The following THSD7B variants were observed in gnomAD, a reference collection of about 807,000 sequenced individuals.
The protein encoded by THSD7B is thrombospondin type-1 domain-containing protein 7B.
Under a neutral mutation model 213.6 loss-of-function variants are expected in THSD7B, and 138 were observed. That is an observed-to-expected ratio of 0.65 (90% CI 0.56 to 0.74). THSD7B has a LOEUF of 0.74. Among genes scored for constraint, THSD7B ranks in the 30% least tolerant of loss-of-function variants. The probability of loss-of-function intolerance (pLI) is 0.00; values close to 1 mark genes in which losing one functional copy is unlikely to be tolerated. For missense variants in THSD7B, 1,931 were observed against 1,991.5 expected, an observed-to-expected ratio of 0.97 and a Z score of 0.58; for synonymous variants, 742 against 687.0, an observed-to-expected ratio of 1.08 and a Z score of -1.25.
At chr2:136,878,986 T>G (rs1296624181) in intron 1 of THSD7B, among the ~76,000 whole-genome samples, 2 of 152,208 alleles carry the variant, frequency 1.3e-5, no homozygotes, top group Non-Finnish European at 2.9e-5. Flanking sequence ...CATGAAGTCC[T>G]TGCCCATGCC....
chr2:137,654,734 A>G (rs1046103761), intron 21 of THSD7B, among the ~76,000 whole-genome samples: 5 of 152,130 alleles, frequency 3.3e-5, no homozygotes, highest in African/African-American at 1.2e-4. Context: ...TAGTCTCAGC[A>G]TTGAATATTT....
intron 2 of THSD7B, among the ~76,000 whole-genome samples, chr2:136,959,467 C>A (rs1308469880): frequency 6.6e-6 from 1 of 152,182 alleles, no homozygotes; most frequent in Non-Finnish European, 1.5e-5. Flanking sequence ...ACTTTTGCCC[C>A]TAAAAACAGG....
At position 137,088,273 on chromosome 2, in the gene THSD7B, A is replaced by T. The variant is rs546972645; in HGVS notation, c.951-6600A>T. 5.7e-4 allele frequency among the ~76,000 whole-genome samples: 87 copies of T among 152,084 alleles called. 1 individual carries two copies. Among genetic ancestry groups the T allele is most frequent in the Non-Finnish European group, 9.3e-4 (63 of 67,962 alleles). On this transcript the variant is annotated intron_variant, in intron 3 of 27. Transcript: ENST00000409968. ...AAAAAAAAAATAAAATTAAATTTAA[A>T]AAAAGGTGCATAGACCAATGGAACA...
chr2:137,388,345 A>G (rs953338413), intron 12 of THSD7B, among the ~76,000 whole-genome samples: 7 of 134,860 alleles, frequency 5.2e-5, no homozygotes, highest in African/African-American at 2.2e-4. Context: ...AAGTAACAGT[A>G]AAAAAAAAAA....
intron 15 of THSD7B, among the ~76,000 whole-genome samples, chr2:137,517,687 T>G (rs1680096456): frequency 6.6e-6 from 1 of 152,192 alleles, no homozygotes; most frequent in Non-Finnish European, 1.5e-5. Flanking sequence ...CTGTGCAAGC[T>G]TCTCTGCCAC....
intron 15 of THSD7B, among the ~76,000 whole-genome samples, chr2:137,508,286 GC>G (rs1246382730): frequency 1.3e-5 from 2 of 151,950 alleles, no homozygotes; most frequent in African/African-American, 4.8e-5. Flanking sequence ...TGTTGCCCAG[GC>G]TGGAGTGCAG....
chr2:137,545,666 C>T (rs926017702), intron 15 of THSD7B, among the ~76,000 whole-genome samples: 1 of 151,880 alleles, frequency 6.6e-6, no homozygotes, highest in Non-Finnish European at 1.5e-5. Flanking sequence ...TTTTAACAGA[C>T]TCCTCCAATA....
chr2:137,147,425 C>T (rs1679724398), intron 5 of THSD7B, among the ~76,000 whole-genome samples: 1 of 151,010 alleles, frequency 6.6e-6, no homozygotes, highest in Non-Finnish European at 1.5e-5. Context: ...CATACGCTAA[C>T]AAGGACGTCA....
chr2:136,979,740 C>T (rs1378336308), intron 2 of THSD7B, among the ~76,000 whole-genome samples: 1 of 152,184 alleles, frequency 6.6e-6, no homozygotes, highest in African/African-American at 2.4e-5. Context: ...TTATTTAGCT[C>T]AGTGAAGTTC....
intron 2 of THSD7B, among the ~76,000 whole-genome samples, chr2:136,977,132 T>C (rs969080402): frequency 2.6e-5 from 4 of 152,212 alleles, no homozygotes; most frequent in Admixed American, 2.0e-4. Context: ...TATTACTGCC[T>C]CAATTTCAGA....
chr2:137,123,937 C>A (rs1312818046), intron 5 of THSD7B, among the ~76,000 whole-genome samples: 2 of 152,070 alleles, frequency 1.3e-5, no homozygotes, highest in African/African-American at 4.8e-5. Context: ...CATTGCCTGG[C>A]AAAAGGTAGA....
intron 24 of THSD7B, among the ~76,000 whole-genome samples, chr2:137,659,318 A>G (rs1683296894): frequency 6.6e-6 from 1 of 152,166 alleles, no homozygotes; most frequent in Non-Finnish European, 1.5e-5. Flanking sequence ...GTATTCCAGC[A>G]GATATGTTTT....
Position 137,278,980 on chromosome 2 carries a change from A to G in THSD7B, c.2500+2954A>G, listed in dbSNP as rs79928145. ...GTTATGGATTTAAGCAAAAAATGTG[A>G]TTCAACAATGTTGAGAGTTTAGTGA... is the stretch of plus-strand genomic sequence containing the variant. On this transcript the variant is annotated intron_variant, in intron 12 of 27. Transcript: ENST00000409968. Among the ~76,000 whole-genome samples, 823 of 152,274 alleles carry G rather than the reference A, an allele frequency of 5.4e-3. 5 individuals are homozygous for G. Among genetic ancestry groups the G allele is most frequent in the African/African-American group, 0.019 (782 of 41,552 alleles).
At chr2:136,830,281 G>A (rs1198512288) in intron 1 of THSD7B, among the ~76,000 whole-genome samples, 1 of 152,136 alleles carries the variant, frequency 6.6e-6, no homozygotes, top group African/African-American at 2.4e-5. Flanking sequence ...AATTTTTTAT[G>A]TAAAACTGTT....
At chr2:136,959,712 G>A (rs997577748) in intron 2 of THSD7B, among the ~76,000 whole-genome samples, 5 of 152,160 alleles carry the variant, frequency 3.3e-5, no homozygotes, top group African/African-American at 1.2e-4. Context: ...AGATTGCAAA[G>A]GGGCCGATAT....
intron 15 of THSD7B, among the ~76,000 whole-genome samples, chr2:137,560,600 A>C (rs1426150222): frequency 1.3e-5 from 2 of 152,142 alleles, no homozygotes; most frequent in Non-Finnish European, 2.9e-5. Flanking sequence ...ATTAGGACAT[A>C]TACCTAATGT....
At chr2:137,099,787 G>A (rs546510747) in intron 4 of THSD7B, among the ~76,000 whole-genome samples, 4 of 152,290 alleles carry the variant, frequency 2.6e-5, no homozygotes, top group African/African-American at 7.2e-5. Flanking sequence ...GCACAGCTGA[G>A]AGTATTACCT....
rs113461997 is a variant in THSD7B at position 136,913,367 on chromosome 2, A to G, written c.139+31050A>G. ...AGTTCAGAAAATTTGCAACCTGACT[A>G]TGCAATGGAAAAGAAAAACTCACTT... On this transcript the variant is annotated intron_variant, in intron 2 of 27. Coordinates refer to ENST00000409968, the MANE Select transcript of THSD7B (RefSeq NM_001316349.2). Among the ~76,000 whole-genome samples the G allele has an allele frequency of 7.2e-3, 1,098 of 152,364 alleles. 13 individuals carry two copies. The highest frequency in any genetic ancestry group is 0.025 in the African/African-American group (1,023 of 41,592).
chr2:137,677,531 A>AAAC lies in THSD7B; in HGVS notation c.*928_*930dup, dbSNP rs1231014320. The AAAC allele has an allele frequency of 2.0e-5, 3 of 152,594 alleles. No homozygotes were observed. The highest frequency in any genetic ancestry group is 2.9e-5 in the Non-Finnish European group (2 of 68,042). 9.5% of individuals were successfully genotyped at this position (152,594 alleles called of 1,614,324 possible). The stretch of plus-strand genomic sequence containing the variant: ...TATCTGACCTCATTTAATATACATC[A>AAAC]AACACCGATCCTGTTTGTACAAAGT... On this transcript the variant is annotated 3_prime_UTR_variant, in exon 28 of 28. Coordinates refer to ENST00000409968, the MANE Select transcript of THSD7B (RefSeq NM_001316349.2).
Sources: gnomAD v4.1 joint callset for allele counts (sites outside exome capture counted in the v4.1 genomes callset) on GRCh38, gnomAD v4.1.1 for gene constraint, MANE v1.5 for transcripts, NCBI Gene and HGNC (gene_info 2026-07-23, HGNC 2026-07-21) for gene names.